HSPG2: variants seen among roughly 807,000 people sequenced by gnomAD.
HSPG2 encodes basement membrane-specific heparan sulfate proteoglycan core protein.
A neutral mutation model predicts 526.6 loss-of-function variants in HSPG2; 278 were observed. The observed-to-expected ratio is 0.53, with a 90% CI of 0.48 to 0.58. The LOEUF (loss-of-function observed/expected upper bound fraction) is 0.58, where lower values mean the gene tolerates loss of function less well. HSPG2 is among the 20% of genes least tolerant of loss of function. HSPG2 has a pLI of 0.00. For synonymous variants in HSPG2, 2,465 were observed against 2,555.4 expected (o/e 0.96, Z 1.07); for missense variants, 5,354 against 6,099.5 (o/e 0.88, Z 4.07).
Position 21,839,490 on chromosome 1 carries a change from C to T in HSPG2, c.9770G>A (p.Arg3257Gln), listed in dbSNP as rs202018841. 1.4e-4 allele frequency: 232 copies of T among 1,613,968 alleles called. No individual in the cohort carries two copies. The highest frequency in any genetic ancestry group is 1.9e-4 in the Non-Finnish European group (225 of 1,180,014). ...KLRSPLPWQH[R>Q]LEGDTLIIPR... The stretch of plus-strand genomic sequence containing the variant: ...TATGATGAGTGTGTCACCTTCCAGC[C>T]GGTGCTGCCAGGGCAGTGGGGAACG... Residue 3257 changes from arginine (R) to glutamine (Q), a missense_variant, in exon 73 of 97, where the codon CGG (arginine) becomes CAG (glutamine). Arg to Gln is a conservative substitution (Grantham distance 43, BLOSUM62 1). Coordinates refer to ENST00000374695, the MANE Select transcript of HSPG2 (RefSeq NM_005529.7). The surrounding 1 kb of genome is among the most constrained non-coding windows in gnomAD (Gnocchi z 4.5).
rs1161015673 is a variant in HSPG2, at chr1:21,884,869, C to T, written c.1405G>A (p.Val469Met). 6.2e-7 allele frequency: 1 copy of T among 1,614,010 alleles called. No individual in the cohort carries two copies. The change falls in exon 12 of 97, where the codon GTG (valine) becomes ATG (methionine). Residue 469 changes from valine (V) to methionine (M), a missense_variant. Val to Met is a conservative substitution (Grantham distance 21). Coordinates refer to ENST00000374695, the MANE Select transcript of HSPG2 (RefSeq NM_005529.7). ...TAGGCACCCTGGTCTGACTCCTTCA[C>T]ATCACGGATGATCAGTGTGCCACGG... ...GGRGTLIIRD[V>M]KESDQGAYTC...
chr1:21,853,176 C>A, intron 50 of HSPG2, 106 bp from the exon 51 acceptor site: 1 of 1,508,162 alleles, frequency 6.6e-7, no homozygotes, highest in Non-Finnish European at 9.0e-7. Flanking sequence ...GGACGGCCGA[C>A]AGGTGGCCTT....
Position 21,823,219 on chromosome 1 carries a change from G to T in HSPG2, c.*97C>A. 6.7e-6 allele frequency: 8 copies of T among 1,192,294 alleles called. No individual in the cohort carries two copies. The East Asian group carries it at 2.2e-4, about 32-fold the overall frequency. 73.9% of individuals were successfully genotyped at this position (1,192,294 alleles called of 1,614,324 possible). A position where few individuals can be genotyped will look rare whatever the true frequency, so the allele number is the denominator to read the frequency against. On this transcript the variant is annotated 3_prime_UTR_variant, in exon 97 of 97. Transcript: ENST00000374695. Reference sequence around the variant, plus strand: ...TAGCAGCAAAGCGTGGCATCGCCTCGGTTTCTTACAAAAATTCATAATAAT... The same window carrying T: ...TAGCAGCAAAGCGTGGCATCGCCTCTGTTTCTTACAAAAATTCATAATAAT...
At chr1:21,875,421 C>T (rs576867976) in intron 25 of HSPG2, among the ~76,000 whole-genome samples, 1 of 152,176 alleles carries the variant, frequency 6.6e-6, no homozygotes, top group Non-Finnish European at 1.5e-5. Flanking sequence ...ATCACATGCA[C>T]CCCAATCCCC....
At chr1:21,832,818 A>C (rs1200051873) in intron 80 of HSPG2, 12 of 596,366 alleles carry the variant, frequency 2.0e-5, no homozygotes, top group Non-Finnish European at 3.3e-5. Flanking sequence ...AAGAAACTGA[A>C]TTTGCTTCAC....
At chr1:21,835,029 G>A (rs771590947) in intron 76 of HSPG2, 84 bp from the exon 77 acceptor site, 1 of 1,479,428 alleles carries the variant, frequency 6.8e-7, no homozygotes, top group African/African-American at 1.4e-5. Flanking sequence ...CCAAGGAAAG[G>A]TGAGCACTGA....
rs182264689 is a variant in HSPG2, at chr1:21,888,332, A to G, written c.575-266T>C. On this transcript the variant is annotated intron_variant, in intron 6 of 96. Coordinates refer to ENST00000374695, the MANE Select transcript of HSPG2 (RefSeq NM_005529.7). ...CACGCATGCAACCACCACACCACAC[A>G]CATGCAGGCCACAGCCTGGCCCAGT... 7.0e-4 allele frequency among the ~76,000 whole-genome samples: 107 copies of G among 152,318 alleles called. 1 individual carries two copies. The East Asian group carries it at 0.019, about 26-fold the overall frequency.
chr1:21,851,891 T>C lies in HSPG2; in HGVS notation c.6906A>G (p.Ser2302=). 1 of 1,609,780 alleles carries C rather than the reference T, an allele frequency of 6.2e-7. No individual in the cohort carries two copies. The highest frequency in any genetic ancestry group is 1.3e-5 in the African/African-American group (1 of 74,954). The change falls in exon 54 of 97, where the codon TCA becomes TCG. Residue 2302 remains serine (S), a synonymous_variant. Transcript: ENST00000374695. ...AGACGTACTGTCCCGCATCGGCAGG[T>C]GAGGCCTGGAAGATGTACAGGCGGG... ...RGSRLYIFQA[S]PADAGQYVCR... is the part of the protein sequence containing the mutation.
chr1:21,826,205 G>A (rs2097973466), intron 91 of HSPG2, among the ~76,000 whole-genome samples: 1 of 151,956 alleles, frequency 6.6e-6, no homozygotes, highest in Non-Finnish European at 1.5e-5. Context: ...CCTCAGCTGG[G>A]ACCATAGCCA....
chr1:21,831,124 C>T, intron 84 of HSPG2, 34 bp from the exon 85 acceptor site: 2 of 1,606,564 alleles, frequency 1.2e-6, no homozygotes, highest in Middle Eastern at 1.7e-4. Context: ...AGGCCGAGAA[C>T]ATTCAGTACC....
At chr1:21,833,080 G>C (rs1236261764) in intron 80 of HSPG2, 188 bp downstream of exon 80, 2 of 658,910 alleles carry the variant, frequency 3.0e-6, no homozygotes, top group Non-Finnish European at 5.5e-6. Flanking sequence ...CAGGGATGGA[G>C]AAGCCGGGAG....
intron 1 of HSPG2, among the ~76,000 whole-genome samples, chr1:21,929,959 G>C (rs558436089): frequency 6.6e-6 from 1 of 152,256 alleles, no homozygotes; most frequent in East Asian, 1.9e-4. Context: ...TCTCCACACA[G>C]CAGCCAAAGC....
At chr1:21,849,548 T>C (rs1376548592) in intron 57 of HSPG2, among the ~76,000 whole-genome samples, 1 of 152,170 alleles carries the variant, frequency 6.6e-6, no homozygotes, top group Non-Finnish European at 1.5e-5. Flanking sequence ...AAATGGAAGC[T>C]TTTTCTTAGA....
At chr1:21,841,486 G>A in intron 70 of HSPG2, 53 bp downstream of exon 70, 1 of 1,611,222 alleles carries the variant, frequency 6.2e-7, no homozygotes, top group Non-Finnish European at 8.5e-7. Flanking sequence ...GCTCTGAGCT[G>A]AGAATCAGGG....
chr1:21,901,371 G>A (rs1442264631), intron 1 of HSPG2, among the ~76,000 whole-genome samples: 1 of 152,120 alleles, frequency 6.6e-6, no homozygotes, highest in East Asian at 1.9e-4. Flanking sequence ...TGAGGGGTAG[G>A]TGTGGTTGAG....
In HSPG2 at chr1:21,822,770, T is replaced by G. The variant is rs1208116437; in HGVS notation, c.*546A>C. ...GTGCCAGGGGCTGGGTGGAGGTGGG[T>G]GGGGGTGCTGAAAAACGAGCTGGTG... On this transcript the variant is annotated 3_prime_UTR_variant, in exon 97 of 97. Transcript: ENST00000374695. 1.3e-4 allele frequency: 16 copies of G among 125,946 alleles called. No homozygotes were observed. The highest frequency in any genetic ancestry group is 3.3e-4 in the Admixed American group (4 of 12,126). 7.8% of individuals were successfully genotyped at this position (125,946 alleles called of 1,614,324 possible).
intron 44 of HSPG2, among the ~76,000 whole-genome samples, chr1:21,856,661 C>T (rs1639363951): frequency 6.6e-6 from 1 of 152,182 alleles, no homozygotes; most frequent in African/African-American, 2.4e-5. Flanking sequence ...AAGTGATCCA[C>T]CTGCCTCAGC....
chr1:21,913,933 C>T lies in HSPG2; in HGVS notation c.64-17623G>A, dbSNP rs569556954. Among the ~76,000 whole-genome samples, 3 of 152,312 alleles carry T rather than the reference C, an allele frequency of 2.0e-5. No homozygotes were observed. In the South Asian group the frequency reaches 6.2e-4, roughly 32 times the overall value. On this transcript the variant is annotated intron_variant, in intron 1 of 96. Coordinates refer to ENST00000374695, the MANE Select transcript of HSPG2 (RefSeq NM_005529.7). ...CTGGGTAAGGCACTGCAGTGCCTTC[C>T]GCCCTCAATTCTAATACAAAAGTGA...
chr1:21,860,283 G>A (rs1639688436), intron 39 of HSPG2, 48 bp from the exon 40 acceptor site: 1 of 1,546,314 alleles, frequency 6.5e-7, no homozygotes, highest in Non-Finnish European at 8.8e-7. Context: ...AAGGGCCCCA[G>A]TGCCTCATGG....
Sources: gnomAD v4.1 joint callset for allele counts (sites outside exome capture counted in the v4.1 genomes callset) on GRCh38, gnomAD v4.1.1 for gene constraint, Gnocchi (gnomAD v3.1) non-coding constraint, MANE v1.5 for transcripts, NCBI Gene and HGNC (gene_info 2026-07-23, HGNC 2026-07-21) for gene names.